Variants in USP9Y observed in about 807,000 individuals in gnomAD.
USP9Y encodes ubiquitin carboxyl-terminal hydrolase 9Y.
A neutral mutation model predicts 53.1 loss-of-function variants in USP9Y; 41 were observed. That is an observed-to-expected ratio of 0.77 (90% CI 0.60 to 1.00). USP9Y has a LOEUF of 1.00. Ranked by LOEUF, USP9Y falls within the 50% of genes least tolerant of loss-of-function variation. USP9Y has a pLI of 0.00. For synonymous variants in USP9Y, 220 were observed against 173.7 expected (o/e 1.27, Z -2.09); for missense variants, 567 against 535.8 (o/e 1.06, Z -0.58).
intron 12 of USP9Y, among the ~76,000 whole-genome samples, chrY:12,753,822 T>C: frequency 6.0e-5 from 2 of 33,500 alleles, no homozygotes; most frequent in African/African-American, 1.2e-4. Context: ...GCGCTAGAAG[T>C]TTAATTATAC....
At chrY:12,764,322 C>T in intron 15 of USP9Y, among the ~76,000 whole-genome samples, 2 of 32,659 alleles carry the variant, frequency 6.1e-5, no homozygotes, top group Admixed American at 2.8e-4. Context: ...ACAATGCCAA[C>T]GAAACATAGG....
At chrY:12,737,073 T>A in intron 10 of USP9Y, among the ~76,000 whole-genome samples, 1 of 30,352 alleles carries the variant, frequency 3.3e-5, no homozygotes, top group Non-Finnish European at 7.9e-5. Flanking sequence ...TATCCTGGGT[T>A]CAAGCAATTA....
intron 35 of USP9Y, among the ~76,000 whole-genome samples, chrY:12,839,559 T>C: frequency 3.1e-5 from 1 of 32,652 alleles, no homozygotes; most frequent in Non-Finnish European, 7.5e-5. Flanking sequence ...GTAGATGATA[T>C]GTAAATACTG....
chrY:12,833,922 A>G, intron 34 of USP9Y, 61 bp downstream of exon 34: 1 of 328,220 alleles, frequency 3.0e-6, no homozygotes, highest in Non-Finnish European at 4.4e-6. Context: ...ATAATAGTGT[A>G]AATCTTTCAT....
intron 19 of USP9Y, 81 bp from the exon 20 acceptor site, chrY:12,777,938 G>GTT: frequency 1.3e-5 from 3 of 235,453 alleles, no homozygotes; most frequent in Non-Finnish European, 1.9e-5. Flanking sequence ...AATTTTCAGG[G>GTT]TTTTTTTTAG....
At chrY:12,779,067 A>G in intron 21 of USP9Y, among the ~76,000 whole-genome samples, 1 of 33,111 alleles carries the variant, frequency 3.0e-5, no homozygotes, top group South Asian at 6.6e-4. Context: ...TACATCTCAT[A>G]TGTAAAGGAA....
chrY:12,807,682 G>A, intron 27 of USP9Y, among the ~76,000 whole-genome samples: 1 of 31,369 alleles, frequency 3.2e-5, no homozygotes, highest in South Asian at 7.0e-4. Flanking sequence ...TTTTTTTATA[G>A]TCTTTGTGTA....
intron 31 of USP9Y, among the ~76,000 whole-genome samples, chrY:12,813,659 TAAC>T (rs2053533304): frequency 2.9e-5 from 1 of 34,092 alleles, no homozygotes; most frequent in Non-Finnish European, 7.3e-5. Flanking sequence ...ATATAATTAA[TAAC>T]AGCATTCATT....
chrY:12,757,030 C>T, intron 12 of USP9Y, among the ~76,000 whole-genome samples, 162 bp from the exon 13 acceptor site: 2 of 33,546 alleles, frequency 6.0e-5, no homozygotes, highest in Admixed American at 2.7e-4. Flanking sequence ...GTTTCCTCTA[C>T]TAACACCTTT....
chrY:12,820,658 C>T (rs2053540761), intron 33 of USP9Y, among the ~76,000 whole-genome samples: 1 of 33,232 alleles, frequency 3.0e-5, no homozygotes, highest in Non-Finnish European at 7.4e-5. Flanking sequence ...TTCTTTACCT[C>T]GACTTTTTTC....
At chrY:12,757,513 G>A in intron 13 of USP9Y, 115 bp downstream of exon 13, 1 of 209,459 alleles carries the variant, frequency 4.8e-6, no homozygotes, top group Non-Finnish European at 7.9e-6. Flanking sequence ...TTGAGACAGA[G>A]TCTCGCTCTG....
chrY:12,727,713 T>TCACA (rs1477283909), intron 7 of USP9Y, among the ~76,000 whole-genome samples: 3 of 30,885 alleles, frequency 9.7e-5, no homozygotes, highest in Admixed American at 8.8e-4. Context: ...GTGCGTGTGC[T>TCACA]CACACACACA....
At chrY:12,778,338 A>G (rs907948856) in intron 20 of USP9Y, 79 bp downstream of exon 20, 1 of 280,774 alleles carries the variant, frequency 3.6e-6, no homozygotes, top group Non-Finnish European at 5.1e-6. Context: ...ATTTATTATT[A>G]ACGTATTATT....
At chrY:12,738,381 A>G in intron 11 of USP9Y, 72 bp downstream of exon 11, 3 of 290,318 alleles carry the variant, frequency 1.0e-5, no homozygotes, top group Non-Finnish European at 1.0e-5. Flanking sequence ...TAACCCTTAT[A>G]TAATGGCCAG....
In USP9Y at chrY:12,824,535, A is replaced by T. The variant is rs530669492; in HGVS notation, c.5021+5925A>T. 5.6e-3 allele frequency among the ~76,000 whole-genome samples: 176 copies of T among 31,641 alleles called. No homozygotes were observed. In the East Asian group the frequency reaches 0.063, roughly 11 times the overall value. The allele number at this position is 31,641 out of a possible 37,273, so 84.9% of individuals were successfully genotyped here. A position where few individuals can be genotyped will look rare whatever the true frequency, so the allele number is the denominator to read the frequency against. Reference sequence around the variant, plus strand: ...ATTCTACAATTATCTCAACTTTTTTAAAAAAAAAATCCAAGCTTGGAAAAA... The same window carrying T: ...ATTCTACAATTATCTCAACTTTTTTTAAAAAAAAATCCAAGCTTGGAAAAA... On this transcript the variant is annotated intron_variant, in intron 33 of 45. Transcript: ENST00000338981.
chrY:12,733,673 A>G (rs2053449151), intron 7 of USP9Y, among the ~76,000 whole-genome samples: 2 of 31,047 alleles, frequency 6.4e-5, no homozygotes, highest in South Asian at 7.9e-4. Flanking sequence ...ACCCACCACC[A>G]TGCCAGCTAA....
At chrY:12,718,533 T>C in intron 3 of USP9Y, among the ~76,000 whole-genome samples, 1 of 34,361 alleles carries the variant, frequency 2.9e-5, no homozygotes, top group Admixed American at 2.6e-4. Flanking sequence ...TAACCAGCAG[T>C]ATAATGAACA....
intron 16 of USP9Y, among the ~76,000 whole-genome samples, chrY:12,771,824 G>A (rs560970795): frequency 2.7e-3 from 85 of 31,840 alleles, no homozygotes; most frequent in Middle Eastern, 0.014. Flanking sequence ...CTGCCAGATA[G>A]ATCTCATCTT....
At position 12,859,538 on chromosome Y, in the gene USP9Y, G is replaced by A. The variant is rs761212924; in HGVS notation, c.*122G>A. The A allele has an allele frequency of 4.3e-6, 1 of 231,247 alleles. No homozygotes were observed. The highest frequency in any genetic ancestry group is 3.8e-5 in the South Asian group (1 of 26,155). 57.7% of individuals were successfully genotyped at this position (231,247 alleles called of 400,897 possible). On this transcript the variant is annotated 3_prime_UTR_variant, in exon 46 of 46. Coordinates refer to ENST00000338981, the MANE Select transcript of USP9Y (RefSeq NM_004654.4). The stretch of plus-strand genomic sequence containing the variant: ...GCTCCAAACCAACATGGAGTAAAGA[G>A]CATATTCACTGGTTTATTTGCAGTA...
Sources: allele counts gnomAD v4.1 joint callset (sites outside exome capture counted in the v4.1 genomes callset), GRCh38; gene constraint gnomAD v4.1.1; transcripts MANE v1.5; gene names NCBI Gene and HGNC (gene_info 2026-07-23, HGNC 2026-07-21).